The following COL25A1 variants were observed in gnomAD, a reference collection of about 807,000 sequenced individuals.
COL25A1 encodes the protein collagen alpha-1(XXV) chain.
COL25A1 carries 103 observed loss-of-function variants against 128.4 expected under a neutral mutation model. That is an observed-to-expected ratio of 0.80 (90% CI 0.68 to 0.94). COL25A1 has a LOEUF of 0.94. COL25A1 is among the 40% of genes least tolerant of loss of function. The pLI, the probability that COL25A1 is intolerant of heterozygous loss-of-function variation, is 0.00. For missense variants in COL25A1, 745 were observed against 840.0 expected, an observed-to-expected ratio of 0.89 and a Z score of 1.40; for synonymous variants, 279 against 277.2, an observed-to-expected ratio of 1.01 and a Z score of -0.06.
Position 109,125,525 on chromosome 4 carries a change from C to T in COL25A1, c.368-75346G>A, listed in dbSNP as rs60820670. On this transcript the variant is annotated intron_variant, in intron 3 of 37. Transcript: ENST00000399132. ...GCAACTTTAATACATCTTCTTAAACCAAGTATTTCTAGAATACAAACTGTC... is the reference window on the plus strand; with the variant it reads ...GCAACTTTAATACATCTTCTTAAACTAAGTATTTCTAGAATACAAACTGTC... 7.5e-3 allele frequency among the ~76,000 whole-genome samples: 1,137 copies of T among 152,254 alleles called. 7 individuals carry two copies. Among genetic ancestry groups the T allele is most frequent in the African/African-American group, 0.026 (1,089 of 41,566 alleles).
At chr4:109,073,412 T>C (rs1280517125) in intron 3 of COL25A1, among the ~76,000 whole-genome samples, 1 of 152,194 alleles carries the variant, frequency 6.6e-6, no homozygotes, top group Non-Finnish European at 1.5e-5. Flanking sequence ...ACAAAACTCA[T>C]GTTCATCCTT....
intron 19 of COL25A1, among the ~76,000 whole-genome samples, chr4:108,873,977 A>G (rs538788745): frequency 2.0e-5 from 3 of 152,298 alleles, no homozygotes; most frequent in Admixed American, 6.5e-5. Context: ...AGGTTCTAGA[A>G]TCTCCTAAAA....
intron 19 of COL25A1, among the ~76,000 whole-genome samples, chr4:108,874,362 C>T (rs1166430220): frequency 6.6e-6 from 1 of 152,108 alleles, no homozygotes; most frequent in African/African-American, 2.4e-5. Flanking sequence ...AAATTATCCA[C>T]ACGTATTTGT....
rs1359183564 is a variant in COL25A1, at chr4:108,896,647, C to A, written c.906+20G>T. 6.2e-7 allele frequency: 1 copy of A among 1,611,618 alleles called. No homozygotes were observed. Among genetic ancestry groups the A allele is most frequent in the African/African-American group, 1.3e-5 (1 of 74,884 alleles). ...TTTCTTGCTCACATATGTACCCTTT[C>A]ATGTCTTACAAAACTGTACCTTTTC... On this transcript the variant is annotated intron_variant, in intron 16 of 37. Coordinates refer to ENST00000399132, the MANE Select transcript of COL25A1 (RefSeq NM_198721.4).
chr4:108,909,795 C>T (rs1042682904), intron 13 of COL25A1, among the ~76,000 whole-genome samples: 1 of 152,198 alleles, frequency 6.6e-6, no homozygotes, highest in African/African-American at 2.4e-5. Flanking sequence ...CACACAGATA[C>T]TCCCCCATTC....
chr4:109,242,398 C>T (rs1779952619), intron 3 of COL25A1, among the ~76,000 whole-genome samples: 2 of 152,084 alleles, frequency 1.3e-5, no homozygotes, highest in African/African-American at 2.4e-5. Flanking sequence ...CACATACCAA[C>T]ACTCAATTTG....
At chr4:109,091,869 C>T (rs1288514855) in intron 3 of COL25A1, among the ~76,000 whole-genome samples, 4 of 152,112 alleles carry the variant, frequency 2.6e-5, no homozygotes, top group Non-Finnish European at 5.9e-5. Flanking sequence ...AACACACAAG[C>T]GCAGGAGTGA....
intron 3 of COL25A1, among the ~76,000 whole-genome samples, chr4:109,218,357 G>GTTTTTTGTTTGTTTGTTTGTTTT (rs1778164499): frequency 6.8e-5 from 5 of 73,562 alleles, no homozygotes; most frequent in African/African-American, 2.2e-4. Flanking sequence ...GTTTTTTGGG[G>GTTTTTTGTTTGTTTGTTTGTTTT]TTTTTTTTTT....
At chr4:108,862,469 T>G in intron 22 of COL25A1, 32 bp downstream of exon 22, 1 of 1,542,368 alleles carries the variant, frequency 6.5e-7, no homozygotes, top group Non-Finnish European at 9.0e-7. Context: ...GAAGGCCTCA[T>G]GTTATATTTA....
At chr4:108,817,476 A>G (rs1731351488) in intron 36 of COL25A1, 41 bp from the exon 37 acceptor site, 2 of 1,587,592 alleles carry the variant, frequency 1.3e-6, no homozygotes, top group African/African-American at 1.3e-5. Context: ...AGGTTCCATA[A>G]GAGTGATTAA....
chr4:109,094,445 G>A (rs1765220557), intron 3 of COL25A1, among the ~76,000 whole-genome samples: 1 of 152,134 alleles, frequency 6.6e-6, no homozygotes, highest in South Asian at 2.1e-4. Context: ...AGTTCACTGT[G>A]TACCGTAATA....
chr4:108,880,538 G>GATAACAATA (rs1288031677), intron 19 of COL25A1, among the ~76,000 whole-genome samples: 1 of 152,196 alleles, frequency 6.6e-6, no homozygotes, highest in Non-Finnish European at 1.5e-5. Flanking sequence ...AAAAGAAAGA[G>GATAACAATA]ATAACAATAA....
intron 13 of COL25A1, among the ~76,000 whole-genome samples, chr4:108,905,639 A>T (rs545703836): frequency 1.3e-5 from 2 of 152,160 alleles, no homozygotes; most frequent in Admixed American, 1.3e-4. Context: ...GGTTTGCATT[A>T]TATTTCTGTT....
chr4:108,845,929 C>A (rs1735036988), intron 28 of COL25A1, among the ~76,000 whole-genome samples: 3 of 152,068 alleles, frequency 2.0e-5, no homozygotes, highest in South Asian at 4.1e-4. Flanking sequence ...AACATGAAGG[C>A]TTCCTTTATA....
At chr4:109,250,563 T>C (rs953228621) in intron 3 of COL25A1, among the ~76,000 whole-genome samples, 1 of 152,156 alleles carries the variant, frequency 6.6e-6, no homozygotes, top group African/African-American at 2.4e-5. Context: ...ATGGTGTGAG[T>C]TCCAGTCCAA....
chr4:108,906,429 A>G (rs1743537750), intron 13 of COL25A1, among the ~76,000 whole-genome samples: 2 of 152,004 alleles, frequency 1.3e-5, no homozygotes, highest in South Asian at 4.2e-4. Flanking sequence ...CCACTCCCCT[A>G]ACCACACCAC....
chr4:108,984,535 C>G (rs982405153), intron 6 of COL25A1, among the ~76,000 whole-genome samples: 1 of 152,212 alleles, frequency 6.6e-6, no homozygotes, highest in African/African-American at 2.4e-5. Context: ...CCGAGCCCTG[C>G]CCCGCGGGAA....
At chr4:109,085,405 C>T (rs1194129879) in intron 3 of COL25A1, among the ~76,000 whole-genome samples, 2 of 152,148 alleles carry the variant, frequency 1.3e-5, no homozygotes, top group Non-Finnish European at 2.9e-5. Context: ...CTTGTCTATT[C>T]TGCGATATAT....
intron 3 of COL25A1, among the ~76,000 whole-genome samples, chr4:109,094,576 G>A (rs1004445650): frequency 1.1e-4 from 16 of 151,964 alleles, no homozygotes; most frequent in African/African-American, 2.9e-4. Flanking sequence ...ACTTTCTTTC[G>A]GACTTAGCTT....
Sources: allele counts gnomAD v4.1 joint callset (sites outside exome capture counted in the v4.1 genomes callset), GRCh38; gene constraint gnomAD v4.1.1; transcripts MANE v1.5; gene names NCBI Gene and HGNC (gene_info 2026-07-23, HGNC 2026-07-21).